Variants in METAP1D observed in about 807,000 individuals in gnomAD.
The protein encoded by METAP1D is methionyl aminopeptidase type 1D, mitochondrial, also known as methionine aminopeptidase 1D, mitochondrial.
Under a neutral mutation model 40.5 loss-of-function variants are expected in METAP1D, and 31 were observed. The observed-to-expected ratio is 0.77, with a 90% CI of 0.58 to 1.03. The LOEUF is 1.03. Ranked by LOEUF, METAP1D falls within the 50% of genes least tolerant of loss-of-function variation. METAP1D has a pLI of 0.00. For synonymous variants in METAP1D, 151 were observed against 146.4 expected, an observed-to-expected ratio of 1.03 and a Z score of -0.22; for missense variants, 411 against 420.7, an observed-to-expected ratio of 0.98 and a Z score of 0.20.
At chr2:172,052,143 C>T (rs1022830890) in intron 1 of METAP1D, among the ~76,000 whole-genome samples, 5 of 152,188 alleles carry the variant, frequency 3.3e-5, no homozygotes, top group Non-Finnish European at 4.4e-5. Context: ...TTTTCCAACA[C>T]CTGCATACCA....
intron 5 of METAP1D, among the ~76,000 whole-genome samples, chr2:172,067,823 C>G (rs759525651): frequency 6.6e-6 from 1 of 152,116 alleles, no homozygotes; most frequent in African/African-American, 2.4e-5. Context: ...TGAAATATTT[C>G]CAAGTGTCTA....
chr2:172,033,126 T>G (rs1237172933), intron 1 of METAP1D, among the ~76,000 whole-genome samples: 1 of 151,440 alleles, frequency 6.6e-6, no homozygotes, highest in African/African-American at 2.4e-5. Flanking sequence ...AATCCCTAGA[T>G]TTAATATGTC....
chr2:172,002,652 C>T (rs370450413), intron 1 of METAP1D, among the ~76,000 whole-genome samples: 1 of 151,986 alleles, frequency 6.6e-6, no homozygotes, highest in Non-Finnish European at 1.5e-5. Flanking sequence ...TTGGACTACC[C>T]ATAGCTAGTT....
At chr2:172,021,752 A>G (rs1475856828) in intron 1 of METAP1D, 2 of 152,142 alleles carry the variant, frequency 1.3e-5, no homozygotes, top group African/African-American at 4.8e-5. Context: ...CTCCGGATAC[A>G]CCCAAGACCT....
chr2:172,002,994 TATTA>T (rs998436804), intron 1 of METAP1D, among the ~76,000 whole-genome samples: 1 of 152,208 alleles, frequency 6.6e-6, no homozygotes, highest in African/African-American at 2.4e-5. Context: ...CTTACTAGAT[TATTA>T]ATTCTTGTTG....
chr2:172,016,303 ATATATAT>A (rs1688861571), intron 1 of METAP1D, among the ~76,000 whole-genome samples: 76 of 66,762 alleles, frequency 1.1e-3, no homozygotes, highest in Non-Finnish European at 1.8e-3. Context: ...AAAAAAAAAT[ATATATAT>A]ATATATATAT....
chr2:172,017,523 G>A (rs1029843924), intron 1 of METAP1D, among the ~76,000 whole-genome samples: 1 of 151,838 alleles, frequency 6.6e-6, no homozygotes, highest in Non-Finnish European at 1.5e-5. Flanking sequence ...TTCATCCCAT[G>A]AGTGGTAAGT....
At chr2:172,016,631 A>G (rs1475697674) in intron 1 of METAP1D, among the ~76,000 whole-genome samples, 1 of 151,652 alleles carries the variant, frequency 6.6e-6, no homozygotes, top group African/African-American at 2.4e-5. Context: ...CACCCCCCCA[A>G]AAAAGAAAGA....
At chr2:172,014,798 G>A (rs952718999) in intron 1 of METAP1D, among the ~76,000 whole-genome samples, 1 of 151,878 alleles carries the variant, frequency 6.6e-6, no homozygotes, top group Non-Finnish European at 1.5e-5. Context: ...GACTACAGGC[G>A]CCCGCCAGCA....
intron 6 of METAP1D, among the ~76,000 whole-genome samples, chr2:172,076,065 G>A (rs1226047497): frequency 6.6e-6 from 1 of 152,042 alleles, no homozygotes; most frequent in Non-Finnish European, 1.5e-5. Context: ...GACCCTAAGT[G>A]TTTTTTCAGA....
intron 1 of METAP1D, among the ~76,000 whole-genome samples, chr2:172,038,666 T>C (rs1689448937): frequency 6.6e-6 from 1 of 152,226 alleles, no homozygotes; most frequent in South Asian, 2.1e-4. Flanking sequence ...GAACCACTTG[T>C]AGATCTTCAG....
At chr2:172,066,868 G>T (rs147426040) in intron 5 of METAP1D, among the ~76,000 whole-genome samples, 1,733 of 152,314 alleles carry the variant, frequency 0.011, 41 homozygotes, top group African/African-American at 0.039. Context: ...TGAAGGTAAC[G>T]TTGAGTTCCA....
Position 172,000,004 on chromosome 2 carries a change from G to C in METAP1D, c.35G>C (p.Arg12Pro). 7.5e-7 allele frequency: 1 copy of C among 1,338,562 alleles called. No homozygotes were observed. The highest frequency in any genetic ancestry group is 1.5e-5 in the African/African-American group (1 of 65,306). 82.9% of individuals were successfully genotyped at this position (1,338,562 alleles called of 1,614,324 possible). A position where few individuals can be genotyped will look rare whatever the true frequency, so the allele number is the denominator to read the frequency against. ...CCCAGTGGCGTCCACCTGCTCGTCCGCAGAGGTAAGCGCGTGGAGGAGAGC... is the reference window on the plus strand; with the variant it reads ...CCCAGTGGCGTCCACCTGCTCGTCCCCAGAGGTAAGCGCGTGGAGGAGAGC... The part of the protein sequence containing the change: ...AAPSGVHLLV[R>P]RGSHRIFSSP... Residue 12 changes from arginine (R) to proline (P), a missense_variant, in exon 1 of 10, where the codon CGC (arginine) becomes CCC (proline). Arg to Pro is a moderately radical substitution (Grantham distance 103). Coordinates refer to ENST00000315796, the MANE Select transcript of METAP1D (RefSeq NM_199227.3).
intron 1 of METAP1D, among the ~76,000 whole-genome samples, chr2:172,055,856 C>A (rs529741741): frequency 6.6e-6 from 1 of 152,154 alleles, no homozygotes; most frequent in East Asian, 1.9e-4. Context: ...CCTGACGTTT[C>A]GAATTTTACC....
intron 1 of METAP1D, among the ~76,000 whole-genome samples, chr2:172,014,939 A>G (rs1574091695): frequency 1.3e-5 from 2 of 152,298 alleles, no homozygotes; most frequent in East Asian, 3.9e-4. Flanking sequence ...GGCGTCAGCC[A>G]CTGCGCTGGC....
chr2:172,011,476 G>C (rs1688720921), intron 1 of METAP1D, among the ~76,000 whole-genome samples: 1 of 151,994 alleles, frequency 6.6e-6, no homozygotes, highest in Admixed American at 6.6e-5. Context: ...AGTAGAGACA[G>C]GGTTTCACTG....
chr2:172,057,234 G>A (rs570372524), intron 1 of METAP1D, among the ~76,000 whole-genome samples: 27 of 152,308 alleles, frequency 1.8e-4, no homozygotes, highest in Admixed American at 7.8e-4. Flanking sequence ...TGTATGTAGA[G>A]CACCTAGCAC....
chr2:172,041,188 C>G (rs1053560043), intron 1 of METAP1D, among the ~76,000 whole-genome samples: 10 of 151,444 alleles, frequency 6.6e-5, no homozygotes, highest in Admixed American at 6.6e-4. Flanking sequence ...AGGCTGGATG[C>G]GGTGGCTCAT....
At chr2:172,058,118 T>C (rs1019063269) in intron 1 of METAP1D, among the ~76,000 whole-genome samples, 2 of 152,158 alleles carry the variant, frequency 1.3e-5, no homozygotes, top group African/African-American at 4.8e-5. Context: ...GCTGAACTCC[T>C]GAGTAGCTGG....
Sources: gnomAD v4.1 joint callset for allele counts (sites outside exome capture counted in the v4.1 genomes callset) on GRCh38, gnomAD v4.1.1 for gene constraint, MANE v1.5 for transcripts, NCBI Gene and HGNC (gene_info 2026-07-23, HGNC 2026-07-21) for gene names.